The following SKAP1 variants were observed in gnomAD, a reference collection of about 807,000 sequenced individuals.
SKAP1 encodes the protein src kinase-associated phosphoprotein 1.
A neutral mutation model predicts 58.5 loss-of-function variants in SKAP1; 44 were observed. That is an observed-to-expected ratio of 0.75 (90% CI 0.59 to 0.97). SKAP1 has a LOEUF of 0.97. Ranked by LOEUF, SKAP1 falls within the 50% of genes least tolerant of loss-of-function variation. The probability of loss-of-function intolerance (pLI) is 0.00; values close to 1 mark genes in which losing one functional copy is unlikely to be tolerated. For synonymous variants in SKAP1, 127 were observed against 149.7 expected, an observed-to-expected ratio of 0.85 and a Z score of 1.11; for missense variants, 390 against 435.2, an observed-to-expected ratio of 0.90 and a Z score of 0.92.
intron 4 of SKAP1, among the ~76,000 whole-genome samples, chr17:48,319,506 A>T (rs2066332513): frequency 6.6e-6 from 1 of 152,204 alleles, no homozygotes; most frequent in South Asian, 2.1e-4. Flanking sequence ...GCAGTAGATC[A>T]TGGTAGTCAA....
chr17:48,204,973 T>TTTTCTTTTCTTTTCTTTCTTTC (rs71356522), intron 4 of SKAP1, among the ~76,000 whole-genome samples: 57 of 77,316 alleles, frequency 7.4e-4, no homozygotes, highest in Middle Eastern at 0.01. Flanking sequence ...TTTTCTTTTC[T>TTTTCTTTTCTTTTCTTTCTTTC]TTTCTTTCTT....
chr17:48,429,832 G>T (rs1268307598), intron 1 of SKAP1, among the ~76,000 whole-genome samples: 1 of 152,208 alleles, frequency 6.6e-6, no homozygotes, highest in Non-Finnish European at 1.5e-5. Flanking sequence ...TAGAAGCCGG[G>T]GAGGTGAAGT....
intron 9 of SKAP1, among the ~76,000 whole-genome samples, chr17:48,176,210 A>G (rs2064287630): frequency 6.6e-6 from 1 of 152,166 alleles, no homozygotes; most frequent in Non-Finnish European, 1.5e-5. Context: ...GAAATTCCCA[A>G]AGATGGCTCG....
chr17:48,257,697 C>G (rs2065440647), intron 4 of SKAP1, among the ~76,000 whole-genome samples: 2 of 135,222 alleles, frequency 1.5e-5, no homozygotes, highest in Non-Finnish European at 3.0e-5. Context: ...TTGAGGGTCT[C>G]TCACACTGCT....
chr17:48,392,020 T>C (rs2067354678), intron 2 of SKAP1, among the ~76,000 whole-genome samples: 1 of 152,146 alleles, frequency 6.6e-6, no homozygotes, highest in African/African-American at 2.4e-5. Context: ...TCTATATAAT[T>C]AATGGTAATT....
At chr17:48,321,952 C>T (rs1440274879) in intron 4 of SKAP1, among the ~76,000 whole-genome samples, 1 of 152,224 alleles carries the variant, frequency 6.6e-6, no homozygotes, top group African/African-American at 2.4e-5. Flanking sequence ...GTTTTATCTT[C>T]TCCTGTTCCT....
At chr17:48,401,983 C>G (rs1452024218) in intron 1 of SKAP1, among the ~76,000 whole-genome samples, 1 of 152,150 alleles carries the variant, frequency 6.6e-6, no homozygotes, top group East Asian at 1.9e-4. Context: ...AGACATATCT[C>G]TAAAGAAGAT....
intron 1 of SKAP1, among the ~76,000 whole-genome samples, chr17:48,416,064 G>A (rs541745593): frequency 1.5e-4 from 23 of 152,204 alleles, no homozygotes; most frequent in African/African-American, 5.1e-4. Context: ...CTAAAAACAC[G>A]GTCCTTTTTC....
the SKAP1 span, among the ~76,000 whole-genome samples, chr17:48,440,368 C>T: frequency 6.6e-6 from 1 of 152,222 alleles, no homozygotes; most frequent in African/African-American, 2.4e-5. Flanking sequence ...ACTGTCTGAG[C>T]AGGCTGCAGG....
chr17:48,265,671 C>G (rs1204910769), intron 4 of SKAP1, among the ~76,000 whole-genome samples: 5 of 152,248 alleles, frequency 3.3e-5, no homozygotes, highest in Admixed American at 3.3e-4. Context: ...TTGTTGTCAT[C>G]AACAATGTGA....
chr17:48,376,884 C>T lies in SKAP1; in HGVS notation c.153-13070G>A, dbSNP rs553088646. On this transcript the variant is annotated intron_variant, in intron 2 of 12. Transcript: ENST00000336915. ...ATGCCAGAATGTCTTACTGCCTGCACATAAGAGTTGCTAAGGGAGGATTCG... is the reference window on the plus strand; with the variant it reads ...ATGCCAGAATGTCTTACTGCCTGCATATAAGAGTTGCTAAGGGAGGATTCG... Among the ~76,000 whole-genome samples the T allele has an allele frequency of 2.6e-5, 4 of 152,220 alleles. No homozygotes were observed. The South Asian group carries it at 8.3e-4, about 32-fold the overall frequency.
intron 4 of SKAP1, among the ~76,000 whole-genome samples, chr17:48,195,233 T>C (rs2064608837): frequency 6.6e-6 from 1 of 152,222 alleles, no homozygotes; most frequent in Non-Finnish European, 1.5e-5. Flanking sequence ...GGTTACTTTT[T>C]TGCCTTCTTC....
chr17:48,252,322 T>A (rs984916962), intron 4 of SKAP1, among the ~76,000 whole-genome samples: 3 of 152,164 alleles, frequency 2.0e-5, no homozygotes, highest in Non-Finnish European at 4.4e-5. Context: ...TTGATTTTAA[T>A]CCCAGTTTTC....
chr17:48,142,406 G>A (rs2063779206), intron 11 of SKAP1, among the ~76,000 whole-genome samples: 1 of 152,162 alleles, frequency 6.6e-6, no homozygotes, highest in African/African-American at 2.4e-5. Flanking sequence ...AGGTTGCGGT[G>A]AGCCAAGATC....
chr17:48,432,832 A>C (rs930472562), upstream of SKAP1, among the ~76,000 whole-genome samples: 1 of 152,242 alleles, frequency 6.6e-6, no homozygotes, highest in Non-Finnish European at 1.5e-5. Flanking sequence ...GAATTGTTTG[A>C]TAAAGAGCAG....
chr17:48,344,382 C>T (rs1250296028), intron 4 of SKAP1: 1 of 169,934 alleles, frequency 5.9e-6, no homozygotes, highest in Admixed American at 6.5e-5. Context: ...CAGCAAAGGG[C>T]CTTAGGGGTT....
At chr17:48,326,288 T>G (rs932750152) in intron 4 of SKAP1, among the ~76,000 whole-genome samples, 3 of 152,208 alleles carry the variant, frequency 2.0e-5, no homozygotes, top group Non-Finnish European at 4.4e-5. Context: ...AATTAAAACT[T>G]CTGTCAAAAT....
chr17:48,286,603 A>C (rs2065832688), intron 4 of SKAP1, among the ~76,000 whole-genome samples: 1 of 152,252 alleles, frequency 6.6e-6, no homozygotes. Flanking sequence ...AGCCAGAGGC[A>C]AACAACCAAC....
intron 2 of SKAP1, among the ~76,000 whole-genome samples, chr17:48,375,361 AAAAG>A (rs2067138752): frequency 6.6e-6 from 1 of 152,208 alleles, no homozygotes; most frequent in Non-Finnish European, 1.5e-5. Context: ...TGGACAGCAA[AAAAG>A]AAATTAAATT....
Sources: gnomAD v4.1 joint callset for allele counts (sites outside exome capture counted in the v4.1 genomes callset) on GRCh38, gnomAD v4.1.1 for gene constraint, MANE v1.5 for transcripts, NCBI Gene and HGNC (gene_info 2026-07-23, HGNC 2026-07-21) for gene names.